The following WTAP variants were observed in gnomAD, a reference collection of about 807,000 sequenced individuals.
The protein encoded by WTAP is pre-mRNA-splicing regulator WTAP.
In WTAP, 8 loss-of-function variants were observed where a neutral mutation model predicts 50.0. The observed-to-expected ratio is 0.16, with a 90% CI of 0.09 to 0.29. The LOEUF (loss-of-function observed/expected upper bound fraction) is 0.29, where lower values mean the gene tolerates loss of function less well. WTAP is among the 10% of genes least tolerant of loss of function. The probability of loss-of-function intolerance (pLI) is 1.00; values close to 1 mark genes in which losing one functional copy is unlikely to be tolerated. For missense variants in WTAP, 295 were observed against 470.7 expected (o/e 0.63, Z 3.45); for synonymous variants, 194 against 169.0 (o/e 1.15, Z -1.15).
intron 2 of WTAP, among the ~76,000 whole-genome samples, chr6:159,736,969 T>G (rs1490687971): frequency 6.6e-6 from 1 of 152,076 alleles, no homozygotes; most frequent in Non-Finnish European, 1.5e-5. Flanking sequence ...TATTGTGGAG[T>G]CAGATTACTC....
Position 159,727,519 on chromosome 6 carries a change from A to G in WTAP, c.-193A>G, listed in dbSNP as rs1349051355. On this transcript the variant is annotated 5_prime_UTR_variant, in exon 1 of 8. Transcript: ENST00000621533. ...GGGCCTGGTTTCCTCCCTCAGCGCC[A>G]TTTTGTGGCAGCGAGACCCACAAAT... The G allele has an allele frequency of 1.1e-5, 11 of 992,032 alleles. No homozygotes were observed. Among genetic ancestry groups the G allele is most frequent in the Non-Finnish European group, 1.3e-5 (11 of 835,312 alleles). 61.5% of individuals were successfully genotyped at this position (992,032 alleles called of 1,614,324 possible). A position where few individuals can be genotyped will look rare whatever the true frequency, so the allele number is the denominator to read the frequency against.
At chr6:159,736,204 A>G (rs1367614716) in intron 1 of WTAP, 54 bp from the exon 2 acceptor site, 3 of 1,548,364 alleles carry the variant, frequency 1.9e-6, no homozygotes, top group African/African-American at 1.4e-5. Context: ...TTTTATTCCT[A>G]CTTTCACTGG....
upstream of WTAP, chr6:159,727,000 C>T: frequency 7.9e-7 from 1 of 1,267,448 alleles, no homozygotes; most frequent in Admixed American, 2.4e-5. Context: ...TCGCCCAGAT[C>T]CCTCCGCACG....
At chr6:159,736,320 T>C in intron 2 of WTAP, 25 bp downstream of exon 2, 1 of 1,589,136 alleles carries the variant, frequency 6.3e-7, no homozygotes, top group Non-Finnish European at 8.6e-7. Flanking sequence ...TTTGGGTTTT[T>C]TTGTTTTGTT....
Position 159,727,574 on chromosome 6 carries a change from T to G in WTAP, c.-138T>G. ...GGGAGCGCAGGGGTTGCGGCGGGAC[T>G]AGGAGCGCGGCGGGGCCGGCGGCAG... On this transcript the variant is annotated 5_prime_UTR_variant, in exon 1 of 8. Coordinates refer to ENST00000621533, the MANE Select transcript of WTAP (RefSeq NM_001270531.2). 1.0e-6 allele frequency: 1 copy of G among 986,952 alleles called. No homozygotes were observed. 61.1% of individuals were successfully genotyped at this position (986,952 alleles called of 1,614,324 possible). A position where few individuals can be genotyped will look rare whatever the true frequency, so the allele number is the denominator to read the frequency against.
intron 6 of WTAP, among the ~76,000 whole-genome samples, chr6:159,749,628 C>T (rs1184569569): frequency 1.1e-4 from 17 of 152,100 alleles, no homozygotes; most frequent in Admixed American, 1.0e-3. Flanking sequence ...ACACTTGTTA[C>T]TTTTATGACA....
At chr6:159,752,784 C>T (rs1779869654) in intron 6 of WTAP, among the ~76,000 whole-genome samples, 1 of 152,188 alleles carries the variant, frequency 6.6e-6, no homozygotes, top group South Asian at 2.1e-4. Context: ...GACAGGGTCC[C>T]TGTTTCCGAA....
At chr6:159,751,510 T>C (rs539927429) in intron 6 of WTAP, among the ~76,000 whole-genome samples, 1 of 152,376 alleles carries the variant, frequency 6.6e-6, no homozygotes, top group East Asian at 1.9e-4. Flanking sequence ...TCCCATTGTT[T>C]AATTTCTAAG....
chr6:159,742,386 A>G (rs905104350), intron 4 of WTAP, among the ~76,000 whole-genome samples: 2 of 152,318 alleles, frequency 1.3e-5, no homozygotes, highest in African/African-American at 4.8e-5. Flanking sequence ...AATTATATGC[A>G]AGGTTCTGAA....
intron 1 of WTAP, among the ~76,000 whole-genome samples, 164 bp downstream of exon 1, chr6:159,727,867 G>T (rs1778302072): frequency 6.6e-6 from 1 of 152,232 alleles, no homozygotes; most frequent in African/African-American, 2.4e-5. Flanking sequence ...CCCGCCTGCG[G>T]GGAACACTTC....
chr6:159,734,500 C>G (rs945849886), intron 1 of WTAP, among the ~76,000 whole-genome samples: 2 of 151,974 alleles, frequency 1.3e-5, no homozygotes, highest in African/African-American at 4.8e-5. Context: ...AGGGAAGATT[C>G]ATGAGTATAC....
At chr6:159,746,700 T>C (rs1416856737) in intron 5 of WTAP, among the ~76,000 whole-genome samples, 2 of 152,230 alleles carry the variant, frequency 1.3e-5, no homozygotes, top group Admixed American at 1.3e-4. Context: ...AAATCTGTCA[T>C]TTTTGTTCAC....
chr6:159,744,617 A>G (rs1779459425), intron 5 of WTAP, among the ~76,000 whole-genome samples: 1 of 152,218 alleles, frequency 6.6e-6, no homozygotes, highest in Non-Finnish European at 1.5e-5. Flanking sequence ...ATTTCCACAA[A>G]AGCACGTATT....
In WTAP at chr6:159,755,243, A is replaced by G. The variant is rs1184568580; in HGVS notation, c.823A>G (p.Asn275Asp). The change falls in exon 8 of 8, where the codon AAC becomes GAC. Residue 275 changes from asparagine to aspartate, a missense_variant. Around this residue, in one of 2 missense-constraint regions of WTAP, gnomAD observed 175 missense variants for 183.1 expected, o/e 0.96. Coordinates refer to ENST00000621533, the MANE Select transcript of WTAP (RefSeq NM_001270531.2). ...AAGTAAAGACTGCAGTCGTCTGACAAACGGACCAAGTAATGGTAGCTCCTC... is the reference window on the plus strand; with the variant it reads ...AAGTAAAGACTGCAGTCGTCTGACAGACGGACCAAGTAATGGTAGCTCCTC... ...ATSKDCSRLTNGPSNGSSSRQ... is the reference protein window; with the variant it reads ...ATSKDCSRLTDGPSNGSSSRQ... The G allele has an allele frequency of 6.2e-7, 1 of 1,614,212 alleles. No homozygotes were observed. The highest frequency in any genetic ancestry group is 8.5e-7 in the Non-Finnish European group (1 of 1,180,036).
Position 159,741,945 on chromosome 6 carries a change from C to CT in WTAP, c.87-142dup, listed in dbSNP as rs946945717. The CT allele has an allele frequency of 1.3e-4, 85 of 635,396 alleles. 1 individual carries two copies. Among genetic ancestry groups the CT allele is most frequent in the Middle Eastern group, 4.5e-4 (1 of 2,234 alleles). The allele number at this position is 635,396 out of a possible 1,614,324, so 39.4% of individuals were successfully genotyped here. A position where few individuals can be genotyped will look rare whatever the true frequency, so the allele number is the denominator to read the frequency against. Reference sequence around the variant, plus strand: ...CCAGCCTGGGGGACAGAGCGAGACTCTGTCTAAAAAAAACTAGATTTAAAA... The same window carrying CT: ...CCAGCCTGGGGGACAGAGCGAGACTCTTGTCTAAAAAAAACTAGATTTAAAA... On this transcript the variant is annotated intron_variant, in intron 3 of 7. Transcript: ENST00000621533.
chr6:159,753,556 T>G lies in WTAP; in HGVS notation c.549T>G (p.Leu183=). The G allele has an allele frequency of 6.2e-7, 1 of 1,614,150 alleles. No individual in the cohort carries two copies. The highest frequency in any genetic ancestry group is 8.5e-7 in the Non-Finnish European group (1 of 1,180,016). Residue 183 remains leucine, a synonymous_variant, in exon 7 of 8, where the codon CTT becomes CTG. Coordinates refer to ENST00000621533, the MANE Select transcript of WTAP (RefSeq NM_001270531.2). ...RQLSQGRIAQ[L]EAELALQKKY... ...TGTCCCAGGGACGTATTGCACAACT[T>G]GAAGCAGAGTTGGCTTTACAGAAGA...
At chr6:159,737,441 G>A (rs1276044071) in intron 2 of WTAP, among the ~76,000 whole-genome samples, 1 of 151,994 alleles carries the variant, frequency 6.6e-6, no homozygotes, top group African/African-American at 2.4e-5. Context: ...ACATTTTTAA[G>A]GAAAAAAATT....
chr6:159,727,365 C>G (rs1466506092), upstream of WTAP: 3 of 647,364 alleles, frequency 4.6e-6, no homozygotes, highest in South Asian at 2.1e-5. Context: ...CATGGCGGAG[C>G]GGGGAGGCTG....
At chr6:159,734,043 A>G (rs772744896) in intron 1 of WTAP, among the ~76,000 whole-genome samples, 2 of 152,252 alleles carry the variant, frequency 1.3e-5, no homozygotes, top group Non-Finnish European at 2.9e-5. Context: ...TAATAACAGT[A>G]TGATTAGAAT....
Sources: gnomAD v4.1 joint callset for allele counts (sites outside exome capture counted in the v4.1 genomes callset) on GRCh38, gnomAD v4.1.1 for gene constraint, gnomAD v4.1.1 regional missense constraint, MANE v1.5 for transcripts, NCBI Gene and HGNC (gene_info 2026-07-23, HGNC 2026-07-21) for gene names.